EYS: variants seen among roughly 807,000 people sequenced by gnomAD.
The protein encoded by EYS is protein eyes shut homolog.
A neutral mutation model predicts 282.1 loss-of-function variants in EYS; 250 were observed. The observed-to-expected ratio is 0.89, with a 90% CI of 0.80 to 0.98. The LOEUF (loss-of-function observed/expected upper bound fraction) is 0.98, where lower values mean the gene tolerates loss of function less well. Among genes scored for constraint, EYS ranks in the 50% least tolerant of loss-of-function variants. The pLI is 0.00. For synonymous variants in EYS, 1,355 were observed against 1,282.9 expected (o/e 1.06, Z -1.20); for missense variants, 4,016 against 3,709.0 (o/e 1.08, Z -2.15).
chr6:63,843,948 C>T (rs1355222019), intron 36 of EYS, among the ~76,000 whole-genome samples: 42 of 152,156 alleles, frequency 2.8e-4, no homozygotes, highest in Admixed American at 2.8e-3. Context: ...ACAGATCAAC[C>T]CATCACCTGG....
At chr6:65,149,595 C>T (rs1170457843) in intron 12 of EYS, among the ~76,000 whole-genome samples, 1 of 151,690 alleles carries the variant, frequency 6.6e-6, no homozygotes, top group East Asian at 1.9e-4. Context: ...TCTGAGACCA[C>T]CTCTGGCTGG....
rs545747728 is a variant in EYS, at chr6:65,662,712, G to A, written c.-447-22820C>T. On this transcript the variant is annotated intron_variant, in intron 1 of 42. Transcript: ENST00000503581. ...AACCACAGTGTTGAAATGACTACAT[G>A]CTCTGTTATAAACACTAAAATTTTA... 3.3e-5 allele frequency among the ~76,000 whole-genome samples: 5 copies of A among 152,138 alleles called. No homozygotes were observed. In the East Asian group the frequency reaches 9.7e-4, roughly 29 times the overall value.
chr6:64,587,599 G>C (rs748451429), intron 26 of EYS, among the ~76,000 whole-genome samples: 6 of 152,084 alleles, frequency 3.9e-5, no homozygotes, highest in Middle Eastern at 3.4e-3. Flanking sequence ...TTTAGTGTTA[G>C]ATGTTAGGTG....
chr6:64,848,870 C>A (rs1423274281), intron 19 of EYS, among the ~76,000 whole-genome samples: 3 of 152,052 alleles, frequency 2.0e-5, no homozygotes, highest in Non-Finnish European at 4.4e-5. Context: ...GCAATTTATT[C>A]AATGTTATTT....
At chr6:64,896,784 T>C (rs1767486847) in intron 18 of EYS, among the ~76,000 whole-genome samples, 1 of 152,040 alleles carries the variant, frequency 6.6e-6, no homozygotes, top group South Asian at 2.1e-4. Flanking sequence ...TCTGCCATTA[T>C]TGAGGTTTGA....
chr6:63,825,527 G>T (rs1232518882), intron 36 of EYS, among the ~76,000 whole-genome samples: 3 of 152,172 alleles, frequency 2.0e-5, no homozygotes, highest in African/African-American at 7.2e-5. Flanking sequence ...ACAGGTGCTG[G>T]TATCCATGGC....
At chr6:65,561,273 A>G (rs1769047642) in intron 2 of EYS, among the ~76,000 whole-genome samples, 1 of 152,120 alleles carries the variant, frequency 6.6e-6, no homozygotes, top group Admixed American at 6.6e-5. Flanking sequence ...TATTAACATT[A>G]CACTCTATAA....
intron 1 of EYS, among the ~76,000 whole-genome samples, chr6:65,689,875 C>G (rs1335690249): frequency 6.7e-6 from 1 of 149,672 alleles, no homozygotes; most frequent in African/African-American, 2.4e-5. Context: ...GACAGATCGG[C>G]AGGTCGAGAA....
At chr6:65,662,385 A>T (rs916734062) in intron 1 of EYS, among the ~76,000 whole-genome samples, 1 of 152,152 alleles carries the variant, frequency 6.6e-6, no homozygotes, top group African/African-American at 2.4e-5. Flanking sequence ...GATGAGCTTG[A>T]TATATATTTT....
chr6:65,629,558 T>A (rs1166124164), intron 2 of EYS, among the ~76,000 whole-genome samples: 1 of 152,192 alleles, frequency 6.6e-6, no homozygotes, highest in East Asian at 1.9e-4. Context: ...TAAATCAGCA[T>A]GAGAATGCAG....
chr6:64,853,761 A>C lies in EYS; in HGVS notation c.2993-30939T>G, dbSNP rs376430198. Among the ~76,000 whole-genome samples, 6 of 152,200 alleles carry C rather than the reference A, an allele frequency of 3.9e-5. 1 individual carries two copies. The highest frequency in any genetic ancestry group is 4.1e-4 in the South Asian group (2 of 4,836). ...AAGCCAAAATTGACAAATGGGATCT[A>C]ATTAAACTAAAGAGCTTCTGCACAG... On this transcript the variant is annotated intron_variant, in intron 19 of 42. Coordinates refer to ENST00000503581, the MANE Select transcript of EYS (RefSeq NM_001142800.2).
At chr6:65,141,087 C>A (rs984755351) in intron 12 of EYS, among the ~76,000 whole-genome samples, 1 of 151,706 alleles carries the variant, frequency 6.6e-6, no homozygotes, top group African/African-American at 2.4e-5. Flanking sequence ...GACTTGGAAC[C>A]AACCCAAATG....
chr6:65,235,775 C>CTT (rs1766907335), intron 12 of EYS, among the ~76,000 whole-genome samples: 1 of 151,858 alleles, frequency 6.6e-6, no homozygotes, highest in African/African-American at 2.4e-5. Flanking sequence ...AAAATATATA[C>CTT]ATTGTAGTAC....
chr6:64,068,716 T>C (rs1280316539), intron 32 of EYS, among the ~76,000 whole-genome samples: 3 of 152,086 alleles, frequency 2.0e-5, no homozygotes, highest in African/African-American at 7.2e-5. Context: ...TTATTCTACA[T>C]TACCTTCTGT....
At chr6:65,440,405 A>C (rs1768268488) in intron 5 of EYS, among the ~76,000 whole-genome samples, 2 of 151,814 alleles carry the variant, frequency 1.3e-5, no homozygotes, top group Non-Finnish European at 2.9e-5. Flanking sequence ...AACCCCAAAA[A>C]CAAAACCAAA....
intron 30 of EYS, among the ~76,000 whole-genome samples, chr6:64,253,977 C>T (rs922557766): frequency 1.3e-5 from 2 of 152,050 alleles, no homozygotes; most frequent in Non-Finnish European, 2.9e-5. Flanking sequence ...CACTTTAACC[C>T]CCAACTTCCC....
chr6:65,141,487 T>C (rs1764338996), intron 12 of EYS, among the ~76,000 whole-genome samples: 1 of 140,760 alleles, frequency 7.1e-6, no homozygotes, highest in Non-Finnish European at 1.5e-5. Flanking sequence ...AAACTTAAAG[T>C]ATAATAATAA....
intron 2 of EYS, among the ~76,000 whole-genome samples, chr6:65,585,463 A>C (rs1391542083): frequency 6.6e-6 from 1 of 151,980 alleles, no homozygotes; most frequent in Non-Finnish European, 1.5e-5. Flanking sequence ...TTTAAAACTA[A>C]AATAATCAAA....
At chr6:65,369,317 T>TATATATATATATTTATATATATATATA (rs1491310780) in intron 8 of EYS, among the ~76,000 whole-genome samples, 3,496 of 33,070 alleles carry the variant, frequency 0.11, 124 homozygotes, top group South Asian at 0.31. Flanking sequence ...ATATATATAT[T>TATATATATATATTTATATATATATATA]ATATATATAT....
Sources: allele counts gnomAD v4.1 joint callset (sites outside exome capture counted in the v4.1 genomes callset), GRCh38; gene constraint gnomAD v4.1.1; transcripts MANE v1.5; gene names NCBI Gene and HGNC (gene_info 2026-07-23, HGNC 2026-07-21).